WDR82: variants seen among roughly 807,000 people sequenced by gnomAD.
WDR82 encodes the protein WD repeat-containing protein 82.
In WDR82, 8 loss-of-function variants were observed where a neutral mutation model predicts 36.1. The observed-to-expected ratio is 0.22, with a 90% CI of 0.13 to 0.40. The LOEUF (loss-of-function observed/expected upper bound fraction) is 0.40. WDR82 is among the 10% of genes least tolerant of loss of function. The probability of loss-of-function intolerance (pLI) is 1.00; values close to 1 mark genes in which losing one functional copy is unlikely to be tolerated. For synonymous variants in WDR82, 129 were observed against 137.8 expected (o/e 0.94, Z 0.45); for missense variants, 185 against 400.5 (o/e 0.46, Z 4.59).
At chr3:52,269,907 A>G (rs1700138738) in intron 2 of WDR82, among the ~76,000 whole-genome samples, 1 of 152,220 alleles carries the variant, frequency 6.6e-6, no homozygotes, top group African/African-American at 2.4e-5. Context: ...CACAAGTTCA[A>G]TTTCTAAAAG....
chr3:52,275,816 G>A (rs185305319), intron 1 of WDR82, among the ~76,000 whole-genome samples: 80 of 152,086 alleles, frequency 5.3e-4, no homozygotes, highest in Middle Eastern at 3.4e-3. Context: ...CCCAGGAGCC[G>A]GAGGTTGCAG....
intron 1 of WDR82, among the ~76,000 whole-genome samples, chr3:52,275,410 C>G (rs1700194268): frequency 6.6e-6 from 1 of 152,120 alleles, no homozygotes; most frequent in African/African-American, 2.4e-5. Flanking sequence ...AGTCACAGGC[C>G]AAACTAGTAC....
At chr3:52,272,993 T>A (rs1197566828) in intron 1 of WDR82, among the ~76,000 whole-genome samples, 4 of 151,996 alleles carry the variant, frequency 2.6e-5, no homozygotes, top group African/African-American at 7.2e-5. Flanking sequence ...CCAAGTGCAC[T>A]GTCTGGGGTT....
rs917035100 is a variant in WDR82, at chr3:52,261,136, CAA to C, written c.426+242_426+243del. 7.2e-5 allele frequency among the ~76,000 whole-genome samples: 11 copies of C among 152,046 alleles called. 1 individual carries two copies. Among genetic ancestry groups the C allele is most frequent in the Admixed American group, 5.9e-4 (9 of 15,260 alleles). On this transcript the variant is annotated intron_variant, in intron 4 of 8. Coordinates refer to ENST00000296490, the MANE Select transcript of WDR82 (RefSeq NM_025222.4). ...GCGAAACCCTGTCTCAAAACAAAAA[CAA>C]AAACAAAACAAAACAACAAAAAACC...
chr3:52,276,381 A>G (rs1396461267), intron 1 of WDR82, among the ~76,000 whole-genome samples: 1 of 151,984 alleles, frequency 6.6e-6, no homozygotes, highest in Non-Finnish European at 1.5e-5. Context: ...CAGTGAGCCA[A>G]GATCGCGCCA....
chr3:52,260,534 C>T (rs1700052288), intron 4 of WDR82, 33 bp from the exon 5 acceptor site: 2 of 1,444,902 alleles, frequency 1.4e-6, no homozygotes, highest in Admixed American at 2.4e-5. Context: ...TACACTAAAA[C>T]ACACATGCCA....
chr3:52,262,535 A>G (rs1700070523), intron 3 of WDR82, among the ~76,000 whole-genome samples: 1 of 152,214 alleles, frequency 6.6e-6, no homozygotes, highest in Admixed American at 6.5e-5. Context: ...ATCTGCTCCC[A>G]GAGCCTCTAA....
At chr3:52,265,401 C>T (rs1700097424) in intron 3 of WDR82, among the ~76,000 whole-genome samples, 1 of 142,906 alleles carries the variant, frequency 7.0e-6, no homozygotes, top group Non-Finnish European at 1.5e-5. Context: ...ACTGCATCAA[C>T]TCTTAATTAC....
At chr3:52,276,968 C>A (rs1234750602) in intron 1 of WDR82, among the ~76,000 whole-genome samples, 1 of 142,358 alleles carries the variant, frequency 7.0e-6, no homozygotes, top group Non-Finnish European at 1.5e-5. Flanking sequence ...ATCAAATTCA[C>A]AAATGAAGAG....
chr3:52,273,455 G>A (rs550218951), intron 1 of WDR82, among the ~76,000 whole-genome samples: 1 of 143,894 alleles, frequency 6.9e-6, no homozygotes, highest in South Asian at 2.3e-4. Flanking sequence ...GACAGAACAT[G>A]AAGAGCCAAC....
chr3:52,278,608 C>T lies in WDR82; in HGVS notation c.-247G>A, dbSNP rs1700230086. ...TCACGGACAACCGGCGCGTCGCCGG[C>T]TCATTGTGTCCGCCATTTTGGGGCG... is the stretch of plus-strand genomic sequence containing the variant. On this transcript the variant is annotated 5_prime_UTR_variant, in exon 1 of 9. Coordinates refer to ENST00000296490, the MANE Select transcript of WDR82 (RefSeq NM_025222.4). The T allele has an allele frequency of 7.5e-6, 3 of 400,802 alleles. No individual in the cohort carries two copies. The highest frequency in any genetic ancestry group is 8.8e-6 in the Non-Finnish European group (2 of 228,518). The allele number at this position is 400,802 out of a possible 1,614,324, so 24.8% of individuals were successfully genotyped here. A position where few individuals can be genotyped will look rare whatever the true frequency, so the allele number is the denominator to read the frequency against.
chr3:52,265,666 C>T (rs540765235), intron 3 of WDR82, among the ~76,000 whole-genome samples: 1 of 150,510 alleles, frequency 6.6e-6, no homozygotes, highest in Non-Finnish European at 1.5e-5. Context: ...GCCTCTGTCT[C>T]GCGGGTTCAA....
At chr3:52,260,355 C>T in intron 5 of WDR82, 30 bp downstream of exon 5, 1 of 1,478,490 alleles carries the variant, frequency 6.8e-7, no homozygotes, top group Non-Finnish European at 9.1e-7. Flanking sequence ...CAAAAAACAG[C>T]TCAAAGATCT....
chr3:52,265,393 T>C (rs1700097361), intron 3 of WDR82, among the ~76,000 whole-genome samples: 1 of 144,378 alleles, frequency 6.9e-6, no homozygotes, highest in South Asian at 2.3e-4. Flanking sequence ...GTCAAACAAC[T>C]GCATCAACTC....
In WDR82 at chr3:52,261,611, TAA is replaced by T. The variant is rs1007604586; in HGVS notation, c.327-134_327-133del. 2.6e-5 allele frequency: 16 copies of T among 613,732 alleles called. No homozygotes were observed. The African/African-American group carries it at 2.9e-4, about 11-fold the overall frequency. 38.0% of individuals were successfully genotyped at this position (613,732 alleles called of 1,614,324 possible). A position where few individuals can be genotyped will look rare whatever the true frequency, so the allele number is the denominator to read the frequency against. On this transcript the variant is annotated intron_variant, in intron 3 of 8. Transcript: ENST00000296490. The stretch of plus-strand genomic sequence containing the variant: ...AAAATTGCCATTTTAAGAAACACAA[TAA>T]AACACACATACCACAACCATATCTG...
intron 5 of WDR82, 49 bp downstream of exon 5, chr3:52,260,335 CA>C: frequency 1.4e-6 from 2 of 1,390,008 alleles, no homozygotes; most frequent in Non-Finnish European, 1.9e-6. Flanking sequence ...GTCTCAAAAA[CA>C]AAACAAAACA....
intron 2 of WDR82, among the ~76,000 whole-genome samples, chr3:52,269,035 G>A (rs760897901): frequency 6.6e-6 from 1 of 151,938 alleles, no homozygotes; most frequent in Non-Finnish European, 1.5e-5. Flanking sequence ...GGCTAATCTC[G>A]AACTTCTGTG....
At chr3:52,263,886 GGGTGCAGT>G (rs1700082395) in intron 3 of WDR82, among the ~76,000 whole-genome samples, 1 of 152,210 alleles carries the variant, frequency 6.6e-6, no homozygotes, top group East Asian at 1.9e-4. Flanking sequence ...AGGTGGTGCT[GGGTGCAGT>G]GGCTCATGCC....
At chr3:52,268,724 A>T (rs1203635295) in intron 2 of WDR82, among the ~76,000 whole-genome samples, 2 of 140,540 alleles carry the variant, frequency 1.4e-5, no homozygotes, top group Non-Finnish European at 3.1e-5. Flanking sequence ...GAGTCTCATT[A>T]AAAAAAAAAA....
Sources: gnomAD v4.1 joint callset for allele counts (sites outside exome capture counted in the v4.1 genomes callset) on GRCh38, gnomAD v4.1.1 for gene constraint, MANE v1.5 for transcripts, NCBI Gene and HGNC (gene_info 2026-07-23, HGNC 2026-07-21) for gene names.